The following TRAF3 variants were observed in gnomAD, a reference collection of about 807,000 sequenced individuals.
TRAF3 encodes TNF receptor associated factor 3.
Under a neutral mutation model 62.3 loss-of-function variants are expected in TRAF3, and 13 were observed. That is an observed-to-expected ratio of 0.21 (90% CI 0.14 to 0.33). The LOEUF is 0.33. TRAF3 is among the 10% of genes least tolerant of loss of function. The pLI is 1.00. For synonymous variants in TRAF3, 269 were observed against 283.4 expected (o/e 0.95, Z 0.51); for missense variants, 440 against 741.8 (o/e 0.59, Z 4.73).
At position 102,900,179 on chromosome 14, in the gene TRAF3, G is replaced by GAAA. The variant is rs1566807952; in HGVS notation, c.960+2778_960+2779insAAA. Among the ~76,000 whole-genome samples the GAAA allele has an allele frequency of 6.4e-3, 533 of 83,724 alleles. 58 individuals are homozygous for GAAA. The highest frequency in any genetic ancestry group is 0.018 in the African/African-American group (350 of 19,240). The allele number at this position is 83,724 out of a possible 152,430, so 54.9% of individuals were successfully genotyped here. A position where few individuals can be genotyped will look rare whatever the true frequency, so the allele number is the denominator to read the frequency against. On this transcript the variant is annotated intron_variant, in intron 10 of 11. Transcript: ENST00000392745. ...GGGAGAAAGAGCAAGACTCCGTCTC[G>GAAA]GAAAAAAAAAAAAAAAAAAAAAAAG... is the stretch of plus-strand genomic sequence containing the variant.
intron 8 of TRAF3, among the ~76,000 whole-genome samples, chr14:102,890,412 G>C (rs1263351140): frequency 6.6e-6 from 1 of 152,212 alleles, no homozygotes; most frequent in Non-Finnish European, 1.5e-5. Flanking sequence ...TTCTGAGGAA[G>C]AGAACAGCCA....
At chr14:102,869,580 G>A (rs1268414110) in intron 2 of TRAF3, among the ~76,000 whole-genome samples, 1 of 152,052 alleles carries the variant, frequency 6.6e-6, no homozygotes, top group Non-Finnish European at 1.5e-5. Flanking sequence ...GCTGAGGCAG[G>A]CAGATCACGA....
intron 6 of TRAF3, among the ~76,000 whole-genome samples, chr14:102,885,675 TACTC>T (rs906103363): frequency 1.1e-4 from 17 of 152,220 alleles, no homozygotes; most frequent in African/African-American, 3.6e-4. Flanking sequence ...GTAATGTAAA[TACTC>T]AGTAGGTTAT....
chr14:102,840,265 C>T (rs1170794147), intron 2 of TRAF3, among the ~76,000 whole-genome samples: 3 of 152,124 alleles, frequency 2.0e-5, no homozygotes, highest in African/African-American at 7.2e-5. Flanking sequence ...CTCTATTGCC[C>T]AGGCTGGAGT....
At chr14:102,778,147 CA>C (rs1207852335) in intron 1 of TRAF3, among the ~76,000 whole-genome samples, 3 of 150,978 alleles carry the variant, frequency 2.0e-5, no homozygotes, top group African/African-American at 7.3e-5. Flanking sequence ...GGTCCTGAGT[CA>C]TTCCGCCTCA....
intron 2 of TRAF3, among the ~76,000 whole-genome samples, chr14:102,842,742 A>G (rs1886453455): frequency 6.6e-6 from 1 of 152,228 alleles, no homozygotes; most frequent in South Asian, 2.1e-4. Flanking sequence ...AAGACACATT[A>G]CAGAGGAATA....
chr14:102,785,597 A>G (rs987680504), intron 1 of TRAF3, among the ~76,000 whole-genome samples: 25 of 152,314 alleles, frequency 1.6e-4, no homozygotes, highest in African/African-American at 5.3e-4. Flanking sequence ...TCTTGAATTT[A>G]ATTATAACTG....
At chr14:102,901,693 A>G (rs1890309988) in intron 10 of TRAF3, among the ~76,000 whole-genome samples, 1 of 152,262 alleles carries the variant, frequency 6.6e-6, no homozygotes, top group Non-Finnish European at 1.5e-5. Context: ...GAGGTTAACT[A>G]ATATCATGTT....
chr14:102,787,185 TAGA>T (rs1280473316), intron 1 of TRAF3, among the ~76,000 whole-genome samples: 1 of 151,564 alleles, frequency 6.6e-6, no homozygotes, highest in Non-Finnish European at 1.5e-5. Context: ...CCGGTGGGAG[TAGA>T]AGGACATTAT....
intron 10 of TRAF3, among the ~76,000 whole-genome samples, chr14:102,900,393 C>T (rs1256385965): frequency 6.6e-6 from 1 of 152,106 alleles, no homozygotes; most frequent in African/African-American, 2.4e-5. Context: ...CCCAGCTACT[C>T]GGGAGGCTGA....
intron 2 of TRAF3, among the ~76,000 whole-genome samples, chr14:102,866,853 AC>A (rs1888025732): frequency 2.5e-4 from 15 of 60,856 alleles, no homozygotes; most frequent in Admixed American, 1.9e-3. Flanking sequence ...TCTTGAAAAC[AC>A]ACACACACAC....
chr14:102,799,753 A>G (rs1175838416), intron 1 of TRAF3, among the ~76,000 whole-genome samples: 1 of 152,150 alleles, frequency 6.6e-6, no homozygotes, highest in Non-Finnish European at 1.5e-5. Flanking sequence ...TTGGCCAAGC[A>G]CTTCTTTTCT....
intron 2 of TRAF3, among the ~76,000 whole-genome samples, chr14:102,847,568 A>G (rs1886797980): frequency 6.6e-6 from 1 of 152,220 alleles, no homozygotes. Context: ...TACAGTAATT[A>G]AAGAAGGATA....
chr14:102,870,288 G>A lies in TRAF3; in HGVS notation c.87G>A (p.Thr29=), dbSNP rs1222723657. The A allele has an allele frequency of 1.4e-5, 23 of 1,614,054 alleles. No individual in the cohort carries two copies. The East Asian group carries it at 2.7e-4, about 19-fold the overall frequency. The change falls in exon 3 of 12, where the codon ACG becomes ACA. Residue 29 remains threonine, a synonymous_variant. Transcript: ENST00000392745. ...TGCACACTGACCGCAGTGCTGGGAC[G>A]CCAGTTTTTGTCCCTGAACAAGGAG... ...LKLHTDRSAG[T]PVFVPEQGGY... is the part of the protein sequence containing the mutation.
At chr14:102,839,996 C>G (rs1406119243) in intron 2 of TRAF3, among the ~76,000 whole-genome samples, 3 of 152,094 alleles carry the variant, frequency 2.0e-5, no homozygotes, top group African/African-American at 7.2e-5. Context: ...TAGTCTAATT[C>G]TACTTAGTAA....
chr14:102,778,514 C>G (rs1897132306), intron 1 of TRAF3, among the ~76,000 whole-genome samples: 1 of 152,174 alleles, frequency 6.6e-6, no homozygotes, highest in African/African-American at 2.4e-5. Context: ...GTTGACGGGA[C>G]CAGTTGTATT....
At chr14:102,792,310 G>A (rs1897843239) in intron 1 of TRAF3, among the ~76,000 whole-genome samples, 1 of 150,750 alleles carries the variant, frequency 6.6e-6, no homozygotes, top group South Asian at 2.1e-4. Context: ...TAATTTTTGT[G>A]GAGACAGGGT....
chr14:102,810,134 G>T (rs1276540658), intron 1 of TRAF3, among the ~76,000 whole-genome samples: 1 of 152,142 alleles, frequency 6.6e-6, no homozygotes, highest in Non-Finnish European at 1.5e-5. Flanking sequence ...GCCAACTCTT[G>T]GCTTAAAGGG....
At chr14:102,778,197 C>G (rs905692524) in intron 1 of TRAF3, among the ~76,000 whole-genome samples, 1 of 151,378 alleles carries the variant, frequency 6.6e-6, no homozygotes, top group Non-Finnish European at 1.5e-5. Context: ...CGCGGGGGTC[C>G]GGGTATGGGC....
Sources: gnomAD v4.1 joint callset for allele counts (sites outside exome capture counted in the v4.1 genomes callset) on GRCh38, gnomAD v4.1.1 for gene constraint, MANE v1.5 for transcripts, NCBI Gene and HGNC (gene_info 2026-07-23, HGNC 2026-07-21) for gene names.